Variants in RUNX1 observed in about 807,000 individuals in gnomAD.
RUNX1 encodes the protein RUNX family transcription factor 1.
A neutral mutation model predicts 42.8 loss-of-function variants in RUNX1; 19 were observed. That is an observed-to-expected ratio of 0.44 (90% CI 0.31 to 0.65). The LOEUF is 0.65. RUNX1 is among the 30% of genes least tolerant of loss of function. The probability of loss-of-function intolerance (pLI) is 0.07; values close to 1 mark genes in which losing one functional copy is unlikely to be tolerated. For missense variants in RUNX1, 528 were observed against 672.0 expected (o/e 0.79, Z 2.37); for synonymous variants, 271 against 289.4 (o/e 0.94, Z 0.64).
chr21:35,035,339 C>G (rs2059300163), intron 2 of RUNX1, among the ~76,000 whole-genome samples: 1 of 152,088 alleles, frequency 6.6e-6, no homozygotes, highest in South Asian at 2.1e-4. Flanking sequence ...AACACAGGCT[C>G]TCAGACCCCA....
intron 2 of RUNX1, among the ~76,000 whole-genome samples, chr21:35,026,757 AAG>A (rs2059240020): frequency 6.6e-6 from 1 of 152,202 alleles, no homozygotes. Context: ...AAGTAACTGA[AAG>A]AGCGACGCAG....
intron 2 of RUNX1, among the ~76,000 whole-genome samples, chr21:34,917,354 G>C (rs994112402): frequency 2.0e-5 from 3 of 152,210 alleles, no homozygotes; most frequent in African/African-American, 7.2e-5. Flanking sequence ...GTGAGGCTAG[G>C]GCACAGATGC....
intron 2 of RUNX1, among the ~76,000 whole-genome samples, chr21:35,026,055 C>A (rs535575749): frequency 4.6e-5 from 7 of 152,318 alleles, no homozygotes; most frequent in Admixed American, 3.3e-4. Flanking sequence ...GCACAGGGGT[C>A]TCTTCCAAAG....
intron 2 of RUNX1, among the ~76,000 whole-genome samples, chr21:34,982,975 C>T (rs2058858828): frequency 6.6e-6 from 1 of 152,188 alleles, no homozygotes; most frequent in Non-Finnish European, 1.5e-5. Context: ...TGGTCTGTTG[C>T]CAAAGTCCAC....
At chr21:34,899,941 T>C (rs2058164326) in intron 2 of RUNX1, among the ~76,000 whole-genome samples, 1 of 152,160 alleles carries the variant, frequency 6.6e-6, no homozygotes, top group Admixed American at 6.5e-5. Context: ...GCACAGGAGT[T>C]TGAGACCAGC....
chr21:34,829,202 C>T (rs1294128076), intron 7 of RUNX1, among the ~76,000 whole-genome samples: 1 of 152,174 alleles, frequency 6.6e-6, no homozygotes, highest in Non-Finnish European at 1.5e-5. Flanking sequence ...TATTAGATTC[C>T]CAGCTCAAGC....
rs1054516138 is a variant in RUNX1 at position 35,048,931 on chromosome 21, A to G, written c.-32T>C. On this transcript the variant is annotated 5_prime_UTR_variant, in exon 2 of 9. Transcript: ENST00000675419. The stretch of plus-strand genomic sequence containing the variant: ...CTCCTGAAAATGCACCCTCTTCTGA[A>G]GGCGGGGGACTCAATGATTTCTTTT... 6 of 1,603,018 alleles carry G rather than the reference A, an allele frequency of 3.7e-6. No homozygotes were observed. Among genetic ancestry groups the G allele is most frequent in the Non-Finnish European group, 5.1e-6 (6 of 1,170,156 alleles).
intron 2 of RUNX1, among the ~76,000 whole-genome samples, chr21:34,912,951 C>G (rs913664421): frequency 1.3e-5 from 2 of 152,148 alleles, no homozygotes; most frequent in Non-Finnish European, 2.9e-5. Context: ...GCAGGAGAGG[C>G]CAGGCGTGAT....
At chr21:34,998,149 C>T (rs763989514) in intron 2 of RUNX1, among the ~76,000 whole-genome samples, 1 of 152,122 alleles carries the variant, frequency 6.6e-6, no homozygotes, top group Admixed American at 6.5e-5. Context: ...AGGGTTGAGC[C>T]TGTCAATATT....
At chr21:34,810,758 A>G (rs1347023183) in intron 7 of RUNX1, among the ~76,000 whole-genome samples, 5 of 152,176 alleles carry the variant, frequency 3.3e-5, no homozygotes, top group Admixed American at 3.3e-4. Flanking sequence ...TGGCACCTTG[A>G]AGGCAGGAAA....
chr21:34,832,644 C>A (rs1160923031), intron 7 of RUNX1, among the ~76,000 whole-genome samples: 1 of 152,138 alleles, frequency 6.6e-6, no homozygotes, highest in Admixed American at 6.5e-5. Flanking sequence ...AAAGAATCTC[C>A]TTGAGAGTTG....
intron 5 of RUNX1, among the ~76,000 whole-genome samples, chr21:34,877,993 A>C (rs573623380): frequency 6.6e-6 from 1 of 152,310 alleles, no homozygotes; most frequent in Non-Finnish European, 1.5e-5. Context: ...TGGTGTGTTC[A>C]TGCCAAGGGT....
At chr21:34,817,909 A>G (rs892071416) in intron 7 of RUNX1, among the ~76,000 whole-genome samples, 1 of 152,192 alleles carries the variant, frequency 6.6e-6, no homozygotes, top group African/African-American at 2.4e-5. Flanking sequence ...TGAGAACTGG[A>G]TTTGCAAAGT....
chr21:34,990,508 G>C (rs1230238233), intron 2 of RUNX1, among the ~76,000 whole-genome samples: 1 of 152,224 alleles, frequency 6.6e-6, no homozygotes, highest in African/African-American at 2.4e-5. Context: ...AGGTGGATCA[G>C]AGGGAGGGTT....
intron 2 of RUNX1, among the ~76,000 whole-genome samples, chr21:34,981,899 G>GC (rs1308153788): frequency 3.9e-5 from 6 of 152,150 alleles, no homozygotes; most frequent in Non-Finnish European, 8.8e-5. Flanking sequence ...GCAGCAAGGA[G>GC]CCCCCCTCAA....
intron 2 of RUNX1, among the ~76,000 whole-genome samples, chr21:34,929,350 T>G (rs567891776): frequency 6.6e-6 from 1 of 152,346 alleles, no homozygotes; most frequent in African/African-American, 2.4e-5. Context: ...AGCATGGCTT[T>G]GATAATTTGA....
At chr21:35,007,611 C>T (rs2059094902) in intron 2 of RUNX1, among the ~76,000 whole-genome samples, 2 of 152,190 alleles carry the variant, frequency 1.3e-5, no homozygotes, top group African/African-American at 2.4e-5. Flanking sequence ...CTTTTGGGTA[C>T]CAGAGTCCAG....
intron 2 of RUNX1, among the ~76,000 whole-genome samples, chr21:35,011,758 T>C (rs1055057297): frequency 4.6e-5 from 7 of 152,218 alleles, no homozygotes; most frequent in Non-Finnish European, 8.8e-5. Flanking sequence ...TACCATTTTG[T>C]TTTAAAGTAT....
chr21:34,863,713 C>T (rs1455194762), intron 5 of RUNX1, among the ~76,000 whole-genome samples: 1 of 152,044 alleles, frequency 6.6e-6, no homozygotes, highest in South Asian at 2.1e-4. Flanking sequence ...TACCACCACA[C>T]CCAGCTAATT....
Sources: gnomAD v4.1 joint callset for allele counts (sites outside exome capture counted in the v4.1 genomes callset) on GRCh38, gnomAD v4.1.1 for gene constraint, MANE v1.5 for transcripts, NCBI Gene and HGNC (gene_info 2026-07-23, HGNC 2026-07-21) for gene names.